The following SLC24A2 variants were observed in gnomAD, a reference collection of about 807,000 sequenced individuals.
SLC24A2 encodes solute carrier family 24 member 2, also known as sodium/potassium/calcium exchanger 2.
Under a neutral mutation model 62.0 loss-of-function variants are expected in SLC24A2, and 36 were observed. The observed-to-expected ratio is 0.58, with a 90% confidence interval of 0.44 to 0.77. The LOEUF (loss-of-function observed/expected upper bound fraction) is 0.77. SLC24A2 is among the 30% of genes least tolerant of loss of function. The pLI is 0.00. For missense variants in SLC24A2, 846 were observed against 817.9 expected (o/e 1.03, Z -0.42); for synonymous variants, 358 against 294.0 (o/e 1.22, Z -2.23).
chr9:20,085,761 T>G, the SLC24A2 span, among the ~76,000 whole-genome samples: 1 of 152,226 alleles, frequency 6.6e-6, no homozygotes, highest in Non-Finnish European at 1.5e-5. Context: ...CCCATAATAG[T>G]TTCCAAAATT....
the SLC24A2 span, among the ~76,000 whole-genome samples, chr9:19,982,319 G>A: frequency 6.6e-6 from 1 of 152,172 alleles, no homozygotes; most frequent in Non-Finnish European, 1.5e-5. Flanking sequence ...GAGGAGAAAT[G>A]AGGAGGTTGG....
At chr9:20,190,911 C>G in the SLC24A2 span, among the ~76,000 whole-genome samples, 4 of 152,160 alleles carry the variant, frequency 2.6e-5, no homozygotes, top group African/African-American at 7.2e-5. Flanking sequence ...TAGTACAGTA[C>G]TTGGTACATA....
the SLC24A2 span, among the ~76,000 whole-genome samples, chr9:20,096,980 A>G: frequency 3.9e-3 from 596 of 152,318 alleles, 5 homozygotes; most frequent in African/African-American, 0.014. Context: ...AATGACTTTC[A>G]CCTAGTTCAA....
chr9:20,037,433 A>C, the SLC24A2 span, among the ~76,000 whole-genome samples: 1 of 152,294 alleles, frequency 6.6e-6, no homozygotes, highest in African/African-American at 2.4e-5. Context: ...TGCTCTATTT[A>C]TCTGTTGATG....
chr9:19,885,195 C>T, the SLC24A2 span, among the ~76,000 whole-genome samples: 3 of 152,172 alleles, frequency 2.0e-5, no homozygotes, highest in Non-Finnish European at 2.9e-5. Context: ...TCACTGGACC[C>T]GTTTAACTGT....
the SLC24A2 span, among the ~76,000 whole-genome samples, chr9:20,163,963 T>C: frequency 5.9e-5 from 9 of 151,940 alleles, no homozygotes; most frequent in Admixed American, 2.0e-4. Flanking sequence ...CTTCCTTATA[T>C]CTTATACAAA....
the SLC24A2 span, among the ~76,000 whole-genome samples, chr9:20,217,511 G>A: frequency 3.3e-5 from 5 of 152,196 alleles, no homozygotes; most frequent in Admixed American, 6.5e-5. Context: ...TTGACAGGAG[G>A]AATAATGAAG....
the SLC24A2 span, among the ~76,000 whole-genome samples, chr9:20,290,869 C>G: frequency 2.6e-5 from 4 of 152,160 alleles, no homozygotes; most frequent in African/African-American, 9.7e-5. Context: ...CCAGGAGGCA[C>G]AGATAAGGTA....
the SLC24A2 span, among the ~76,000 whole-genome samples, chr9:19,879,464 G>T: frequency 0.095 from 14,431 of 152,146 alleles, 1,101 homozygotes; most frequent in African/African-American, 0.22. Flanking sequence ...TACCTATTTA[G>T]TTTAAAGGAA....
At chr9:20,054,406 G>A in the SLC24A2 span, among the ~76,000 whole-genome samples, 1 of 152,028 alleles carries the variant, frequency 6.6e-6, no homozygotes, top group Non-Finnish European at 1.5e-5. Flanking sequence ...TGGCCAGGCT[G>A]GTCTCAAACT....
intron 4 of SLC24A2, among the ~76,000 whole-genome samples, chr9:19,619,305 CCT>C (rs1817848723): frequency 6.6e-6 from 1 of 152,110 alleles, no homozygotes; most frequent in Admixed American, 6.5e-5. Context: ...ACCTTTTTGT[CCT>C]CTCTGCTTCA....
chr9:20,062,734 C>A, the SLC24A2 span, among the ~76,000 whole-genome samples: 1 of 122,526 alleles, frequency 8.2e-6, no homozygotes, highest in Non-Finnish European at 1.6e-5. Context: ...ATTTTCACAA[C>A]CTACTCATCT....
At chr9:19,864,047 T>C in the SLC24A2 span, among the ~76,000 whole-genome samples, 1 of 151,972 alleles carries the variant, frequency 6.6e-6, no homozygotes, top group South Asian at 2.1e-4. Flanking sequence ...GTGGCTACTA[T>C]GAGCAACTAC....
the SLC24A2 span, among the ~76,000 whole-genome samples, chr9:20,042,976 T>C: frequency 6.6e-6 from 1 of 152,140 alleles, no homozygotes; most frequent in Non-Finnish European, 1.5e-5. Flanking sequence ...TCCCCATTTC[T>C]CTCCTTCTCC....
At chr9:20,162,890 T>A in the SLC24A2 span, among the ~76,000 whole-genome samples, 36 of 152,254 alleles carry the variant, frequency 2.4e-4, no homozygotes, top group Admixed American at 1.8e-3. Flanking sequence ...CACATGATTA[T>A]CTCAATAGAT....
chr9:20,008,052 T>A, the SLC24A2 span, among the ~76,000 whole-genome samples: 1 of 151,882 alleles, frequency 6.6e-6, no homozygotes, highest in South Asian at 2.1e-4. Context: ...CGCACCACCA[T>A]GCCCAGGTAA....
chr9:19,777,767 C>T (rs1040900979), intron 2 of SLC24A2, among the ~76,000 whole-genome samples: 2 of 151,990 alleles, frequency 1.3e-5, no homozygotes, highest in African/African-American at 4.8e-5. Context: ...CAGAAGAATG[C>T]TATATGCGAA....
chr9:19,977,409 A>C, the SLC24A2 span, among the ~76,000 whole-genome samples: 3 of 152,146 alleles, frequency 2.0e-5, no homozygotes, highest in East Asian at 1.9e-4. Context: ...AAAATAATGA[A>C]ATAAAACCAG....
the SLC24A2 span, among the ~76,000 whole-genome samples, chr9:20,224,916 C>A: frequency 7.9e-5 from 12 of 152,180 alleles, no homozygotes; most frequent in East Asian, 2.3e-3. Context: ...TGTCTGGGAG[C>A]TTGCACTCTT....
Sources: gnomAD v4.1 joint callset for allele counts (sites outside exome capture counted in the v4.1 genomes callset) on GRCh38, gnomAD v4.1.1 for gene constraint, MANE v1.5 for transcripts, NCBI Gene and HGNC (gene_info 2026-07-23, HGNC 2026-07-21) for gene names.